The following KLRG1 variants were observed in gnomAD, a reference collection of about 807,000 sequenced individuals.
The protein encoded by KLRG1 is killer cell lectin like receptor G1, also known as killer cell lectin-like receptor subfamily G member 1.
A neutral mutation model predicts 21.8 loss-of-function variants in KLRG1; 16 were observed. The observed-to-expected ratio is 0.73, with a 90% CI of 0.50 to 1.11. KLRG1 has a LOEUF of 1.11. Among genes scored for constraint, KLRG1 ranks in the 50% most tolerant of loss-of-function variants. KLRG1 has a pLI of 0.00. For synonymous variants in KLRG1, 69 were observed against 75.9 expected, an observed-to-expected ratio of 0.91 and a Z score of 0.47; for missense variants, 173 against 218.3, an observed-to-expected ratio of 0.79 and a Z score of 1.31.
chr12:9,207,489 G>T, the KLRG1 span, among the ~76,000 whole-genome samples: 72 of 152,322 alleles, frequency 4.7e-4, no homozygotes, highest in South Asian at 1.7e-3. Flanking sequence ...TTTGAGGCAG[G>T]ATGCAAAGGT....
chr12:9,103,866 A>G, the KLRG1 span, among the ~76,000 whole-genome samples: 8 of 152,224 alleles, frequency 5.3e-5, no homozygotes, highest in Admixed American at 3.9e-4. Flanking sequence ...TAGTGCGGCT[A>G]TGAACACGGG....
At chr12:9,164,318 A>T in the KLRG1 span, 1 of 1,545,744 alleles carries the variant, frequency 6.5e-7, no homozygotes. Flanking sequence ...ACACGAACAC[A>T]TAGAATTGGG....
chr12:8,966,250 G>A (rs1211691103), intron 1 of KLRG1, among the ~76,000 whole-genome samples: 2 of 152,186 alleles, frequency 1.3e-5, no homozygotes, highest in Non-Finnish European at 2.9e-5. Context: ...AGACAACCTA[G>A]GCAATACCAT....
intron 1 of KLRG1, among the ~76,000 whole-genome samples, chr12:8,975,722 CT>C (rs1946647747): frequency 6.6e-6 from 1 of 152,060 alleles, no homozygotes; most frequent in Non-Finnish European, 1.5e-5. Flanking sequence ...TACCATCACA[CT>C]GGCTAATTTT....
the KLRG1 span, among the ~76,000 whole-genome samples, chr12:9,060,443 T>C: frequency 6.6e-6 from 1 of 152,184 alleles, no homozygotes; most frequent in Non-Finnish European, 1.5e-5. Context: ...AACTGCATGA[T>C]AGAACCACCT....
chr12:9,101,422 TCAACGCAGTAA>T, the KLRG1 span: 2 of 1,586,196 alleles, frequency 1.3e-6, no homozygotes, highest in South Asian at 2.2e-5. Context: ...TACAGTGAAG[TCAACGCAGTAA>T]CCTCCCTTCT....
chr12:9,055,263 C>T, the KLRG1 span, among the ~76,000 whole-genome samples: 2 of 152,194 alleles, frequency 1.3e-5, no homozygotes, highest in East Asian at 1.9e-4. Flanking sequence ...CTAGACAGGC[C>T]AGTCATTTTA....
the KLRG1 span, among the ~76,000 whole-genome samples, chr12:9,028,562 GC>G: frequency 1.3e-5 from 2 of 151,906 alleles, no homozygotes; most frequent in Admixed American, 1.3e-4. Context: ...TGCTGCCTCA[GC>G]CTCCCAAGTA....
At chr12:9,112,354 C>G in the KLRG1 span, 1 of 1,608,980 alleles carries the variant, frequency 6.2e-7, no homozygotes, top group Non-Finnish European at 8.5e-7. Flanking sequence ...TTGAAGTTGT[C>G]CTGTCTGTAG....
chr12:9,201,111 T>C, the KLRG1 span: 5 of 1,593,100 alleles, frequency 3.1e-6, no homozygotes, highest in Non-Finnish European at 4.3e-6. Context: ...ACAATAGTCC[T>C]TGAGCAACTC....
chr12:9,100,007 C>T, the KLRG1 span, among the ~76,000 whole-genome samples: 1 of 152,162 alleles, frequency 6.6e-6, no homozygotes, highest in East Asian at 1.9e-4. Flanking sequence ...CTTCAGTCTG[C>T]TATGGTGCTT....
intron 1 of KLRG1, among the ~76,000 whole-genome samples, chr12:8,972,770 C>T (rs1308746804): frequency 6.6e-6 from 1 of 152,102 alleles, no homozygotes; most frequent in Non-Finnish European, 1.5e-5. Context: ...TCTCTTCTTG[C>T]TCAAGATTAC....
At chr12:9,031,669 C>T in the KLRG1 span, among the ~76,000 whole-genome samples, 1 of 152,160 alleles carries the variant, frequency 6.6e-6, no homozygotes, top group Admixed American at 6.5e-5. Flanking sequence ...AACATGTGCC[C>T]AAGGTGGTCG....
chr12:9,149,234 G>C, the KLRG1 span, among the ~76,000 whole-genome samples: 5 of 152,360 alleles, frequency 3.3e-5, no homozygotes, highest in African/African-American at 4.8e-5. Flanking sequence ...ACAAAATTAA[G>C]TGTAAGGCTA....
the KLRG1 span, chr12:9,154,780 G>A: frequency 6.2e-7 from 1 of 1,613,972 alleles, no homozygotes; most frequent in Non-Finnish European, 8.5e-7. Context: ...GCCTGGGTTT[G>A]GTAAAGATGC....
At position 8,989,634 on chromosome 12, in the gene KLRG1, A is replaced by G. The variant is rs776098338; in HGVS notation, c.-2A>G. ...ACTGCATGTGAAAGATCTTAGCTGA[A>G]GATGACTGACAGTGTTATTTATTCC... is the stretch of plus-strand genomic sequence containing the variant. On this transcript the variant is annotated 5_prime_UTR_variant, in exon 1 of 5. Transcript: ENST00000356986. 23 of 1,595,294 alleles carry G rather than the reference A, an allele frequency of 1.4e-5. No individual in the cohort carries two copies. The African/African-American group carries it at 3.1e-4, about 21-fold the overall frequency.
chr12:8,980,768 G>A (rs921153290), intron 1 of KLRG1, among the ~76,000 whole-genome samples: 5 of 152,160 alleles, frequency 3.3e-5, no homozygotes, highest in Admixed American at 6.5e-5. Flanking sequence ...CAGCTCCATC[G>A]GCTGGTGTCA....
intron 3 of KLRG1, among the ~76,000 whole-genome samples, chr12:9,005,202 G>A (rs1026353018): frequency 3.9e-5 from 6 of 152,048 alleles, no homozygotes; most frequent in Admixed American, 1.3e-4. Context: ...CGGGCCTGTC[G>A]GGGGGTGGGG....
chr12:9,120,165 A>G, the KLRG1 span, among the ~76,000 whole-genome samples: 2 of 152,306 alleles, frequency 1.3e-5, no homozygotes, highest in South Asian at 2.1e-4. Context: ...GATGACATCT[A>G]TTTCATCTCT....
Sources: allele counts gnomAD v4.1 joint callset (sites outside exome capture counted in the v4.1 genomes callset), GRCh38; gene constraint gnomAD v4.1.1; transcripts MANE v1.5; gene names NCBI Gene and HGNC (gene_info 2026-07-23, HGNC 2026-07-21).